Variants in ZNF679 observed in about 807,000 individuals in gnomAD.
The protein encoded by ZNF679 is hypothetical protein MGC42415.
A neutral mutation model predicts 13.4 loss-of-function variants in ZNF679; 10 were observed. The observed-to-expected ratio is 0.75, with a 90% CI of 0.46 to 1.27. ZNF679 has a LOEUF of 1.27. ZNF679 is among the 50% of genes most tolerant of loss of function. The pLI is 0.00. For synonymous variants in ZNF679, 179 were observed against 162.5 expected (o/e 1.10, Z -0.77); for missense variants, 525 against 477.8 (o/e 1.10, Z -0.92).
At chr7:64,256,502 T>C (rs1023065474) in intron 2 of ZNF679, among the ~76,000 whole-genome samples, 1 of 152,190 alleles carries the variant, frequency 6.6e-6, no homozygotes, top group Non-Finnish European at 1.5e-5. Flanking sequence ...ACTGTTTTTC[T>C]CAATGGTTAA....
chr7:64,240,201 A>C (rs62461240), intron 1 of ZNF679, among the ~76,000 whole-genome samples: 2,926 of 152,230 alleles, frequency 0.019, 56 homozygotes, highest in Non-Finnish European at 0.024. Flanking sequence ...TTGGCCAATC[A>C]TAAAAGTGAT....
At position 64,260,456 on chromosome 7, in the gene ZNF679, G is replaced by A. The variant is rs983735648; in HGVS notation, c.166+109G>A. The A allele has an allele frequency of 1.4e-5, 21 of 1,484,620 alleles. No individual in the cohort carries two copies. In the African/African-American group the frequency reaches 2.7e-4, roughly 19 times the overall value. 92.0% of individuals were successfully genotyped at this position (1,484,620 alleles called of 1,614,324 possible). A position where few individuals can be genotyped will look rare whatever the true frequency, so the allele number is the denominator to read the frequency against. On this transcript the variant is annotated intron_variant, in intron 3 of 4. Coordinates refer to ENST00000421025, the MANE Select transcript of ZNF679 (RefSeq NM_153363.3). ...TGAGTGAATTTTAGCTCTCTGATTT[G>A]AAGAAAATCTTGGGGATTCATTGGT...
chr7:64,255,893 G>A (rs1239181735), intron 2 of ZNF679, among the ~76,000 whole-genome samples: 1 of 152,158 alleles, frequency 6.6e-6, no homozygotes, highest in African/African-American at 2.4e-5. Flanking sequence ...ACAGGTGTGA[G>A]CCACCGCGCC....
Position 64,237,001 on chromosome 7 carries a change from A to AAAAG in ZNF679, c.-91+8369_-91+8372dup, listed in dbSNP as rs1554369182. Among the ~76,000 whole-genome samples the AAAAG allele has an allele frequency of 4.4e-3, 342 of 77,742 alleles. 1 individual carries two copies. The highest frequency in any genetic ancestry group is 6.2e-3 in the Non-Finnish European group (268 of 43,004). The allele number at this position is 77,742 out of a possible 152,430, so 51.0% of individuals were successfully genotyped here. A position where few individuals can be genotyped will look rare whatever the true frequency, so the allele number is the denominator to read the frequency against. On this transcript the variant is annotated intron_variant, in intron 1 of 4. Coordinates refer to ENST00000421025, the MANE Select transcript of ZNF679 (RefSeq NM_153363.3). Reference sequence around the variant, plus strand: ...AAAGAAAGAAAGAAAGAAAGAAAGAAAAAGAAAGAAAGAAAGAAAGAAACC... The same window carrying AAAAG: ...AAAGAAAGAAAGAAAGAAAGAAAGAAAAAGAAAGAAAGAAAGAAAGAAAGAAACC...
intron 2 of ZNF679, among the ~76,000 whole-genome samples, chr7:64,251,500 CTG>C (rs1052617324): frequency 1.2e-4 from 18 of 152,172 alleles, no homozygotes; most frequent in African/African-American, 4.1e-4. Context: ...TCCTCTGACA[CTG>C]TGTTGTAAAA....
At chr7:64,245,461 G>A (rs1288069609) in intron 1 of ZNF679, among the ~76,000 whole-genome samples, 3 of 151,898 alleles carry the variant, frequency 2.0e-5, no homozygotes, top group Non-Finnish European at 4.4e-5. Context: ...GAGAGAGAGA[G>A]GGAGAGAGAG....
At chr7:64,242,500 G>GT (rs1168184813) in intron 1 of ZNF679, among the ~76,000 whole-genome samples, 3 of 152,166 alleles carry the variant, frequency 2.0e-5, no homozygotes, top group Non-Finnish European at 4.4e-5. Context: ...AGTCATTTTT[G>GT]TTCCTATAAT....
At chr7:64,254,772 A>G (rs914333624) in intron 2 of ZNF679, among the ~76,000 whole-genome samples, 2 of 152,002 alleles carry the variant, frequency 1.3e-5, no homozygotes, top group African/African-American at 4.8e-5. Flanking sequence ...AATGTTAGAC[A>G]ATAAGTTGGT....
At chr7:64,252,679 T>C (rs1347415533) in intron 2 of ZNF679, among the ~76,000 whole-genome samples, 2 of 152,232 alleles carry the variant, frequency 1.3e-5, no homozygotes. Context: ...GCAAAATTAA[T>C]GTGACAGTAA....
intron 4 of ZNF679, among the ~76,000 whole-genome samples, chr7:64,263,264 A>G (rs1354006448): frequency 6.6e-6 from 1 of 151,654 alleles, no homozygotes; most frequent in East Asian, 1.9e-4. Flanking sequence ...GCTAATTTTT[A>G]ATTATTTGTA....
At chr7:64,249,572 A>T (rs1787915666) in intron 2 of ZNF679, among the ~76,000 whole-genome samples, 1 of 152,194 alleles carries the variant, frequency 6.6e-6, no homozygotes, top group Admixed American at 6.5e-5. Flanking sequence ...CACTGTAAAA[A>T]TATTAGACAA....
chr7:64,260,072 TATC>T (rs1355431354), intron 2 of ZNF679, 146 bp from the exon 3 acceptor site: 3 of 597,056 alleles, frequency 5.0e-6, no homozygotes, highest in Non-Finnish European at 8.3e-6. Context: ...TGTTAAAAAT[TATC>T]ATTGAATAAT....
intron 2 of ZNF679, among the ~76,000 whole-genome samples, chr7:64,258,414 G>A (rs557280647): frequency 5.7e-4 from 87 of 152,046 alleles, no homozygotes; most frequent in Non-Finnish European, 9.9e-4. Flanking sequence ...ATCAAGAGTA[G>A]TGTGCGGGCC....
chr7:64,255,014 A>G (rs1014350351), intron 2 of ZNF679, among the ~76,000 whole-genome samples: 2 of 150,374 alleles, frequency 1.3e-5, no homozygotes, highest in African/African-American at 2.4e-5. Flanking sequence ...AAAAAAAAAA[A>G]AAAGAAAAAA....
chr7:64,250,079 T>A (rs1852104), intron 2 of ZNF679, among the ~76,000 whole-genome samples: 95,494 of 151,648 alleles, frequency 0.63, 31,206 homozygotes, highest in African/African-American at 0.79. Context: ...TGACCTGAAA[T>A]GATCTGCCCT....
At chr7:64,240,896 A>G (rs1787789810) in intron 1 of ZNF679, among the ~76,000 whole-genome samples, 2 of 152,148 alleles carry the variant, frequency 1.3e-5, no homozygotes, top group South Asian at 4.1e-4. Context: ...TCACCAACAG[A>G]CTGTGTTTTG....
At chr7:64,245,690 A>G (rs1216442801) in intron 1 of ZNF679, among the ~76,000 whole-genome samples, 3 of 152,148 alleles carry the variant, frequency 2.0e-5, no homozygotes, top group East Asian at 3.9e-4. Flanking sequence ...CACAGTCATC[A>G]GCAAAAAATG....
At chr7:64,261,559 T>C (rs991741294) in intron 4 of ZNF679, among the ~76,000 whole-genome samples, 4 of 152,142 alleles carry the variant, frequency 2.6e-5, no homozygotes, top group African/African-American at 9.6e-5. Flanking sequence ...AGAATTGCTG[T>C]ATTGTATAAT....
At chr7:64,262,600 C>G (rs1253423807) in intron 4 of ZNF679, among the ~76,000 whole-genome samples, 5 of 152,126 alleles carry the variant, frequency 3.3e-5, no homozygotes, top group Non-Finnish European at 7.4e-5. Context: ...CTCATGGCAA[C>G]CTTGTGGCAG....
Sources: allele counts gnomAD v4.1 joint callset (sites outside exome capture counted in the v4.1 genomes callset), GRCh38; gene constraint gnomAD v4.1.1; transcripts MANE v1.5; gene names NCBI Gene and HGNC (gene_info 2026-07-23, HGNC 2026-07-21).